FYB1: variants seen among roughly 807,000 people sequenced by gnomAD.
FYB1 encodes the protein FYN-binding protein 1.
A neutral mutation model predicts 94.1 loss-of-function variants in FYB1; 41 were observed. That is an observed-to-expected ratio of 0.44 (90% CI 0.34 to 0.57). FYB1 has a LOEUF of 0.57. FYB1 is among the 20% of genes least tolerant of loss of function. The pLI is 0.02. For missense variants in FYB1, 1,050 were observed against 976.8 expected (o/e 1.07, Z -1.00); for synonymous variants, 367 against 353.2 (o/e 1.04, Z -0.44).
rs1355894835 is a variant in FYB1 at position 39,188,674 on chromosome 5, G to A, written c.1135+13152C>T. 2.6e-5 allele frequency among the ~76,000 whole-genome samples: 4 copies of A among 151,362 alleles called. No individual in the cohort carries two copies. In the East Asian group the frequency reaches 7.8e-4, roughly 29 times the overall value. ...ACTTTCCCAAGTAGCTGGGGTTACA[G>A]GCGCCTGCCACCACGCCCGGCTAAT... On this transcript the variant is annotated intron_variant, in intron 2 of 18. Coordinates refer to ENST00000512982, the MANE Select transcript of FYB1 (RefSeq NM_001465.6).
At chr5:39,262,134 A>C (rs950675721) in intron 1 of FYB1, among the ~76,000 whole-genome samples, 2 of 152,174 alleles carry the variant, frequency 1.3e-5, no homozygotes, top group Non-Finnish European at 1.5e-5. Flanking sequence ...AATGATAAAG[A>C]CTTATTTTAA....
chr5:39,145,643 A>T (rs1040012771), intron 3 of FYB1, among the ~76,000 whole-genome samples: 3 of 152,230 alleles, frequency 2.0e-5, no homozygotes, highest in Non-Finnish European at 2.9e-5. Context: ...TACCTAAGAC[A>T]TTAAAATACA....
intron 3 of FYB1, 120 bp downstream of exon 3, chr5:39,153,328 A>C (rs1743421537): frequency 2.4e-6 from 3 of 1,243,480 alleles, no homozygotes; most frequent in Non-Finnish European, 3.5e-6. Flanking sequence ...TCTCCCTGCC[A>C]GCTGCCCACT....
chr5:39,201,935 C>T lies in FYB1; in HGVS notation c.1026G>A (p.Pro342=), dbSNP rs776689421. ...KEKGDKNSAT[P]KQKPLPPLFT... ...ACAAGGGAGGCAATGGCTTCTGTTT[C>T]GGGGTGGCTGAATTCTTGTCTCCCT... Residue 342 remains proline (P), a synonymous_variant, in exon 2 of 19, where the codon CCG becomes CCA. Coordinates refer to ENST00000512982, the MANE Select transcript of FYB1 (RefSeq NM_001465.6). The T allele has an allele frequency of 1.4e-5, 23 of 1,613,858 alleles. No individual in the cohort carries two copies. The highest frequency in any genetic ancestry group is 3.3e-4 in the Middle Eastern group (2 of 6,084).
chr5:39,263,956 C>T (rs1752325707), intron 1 of FYB1, among the ~76,000 whole-genome samples: 1 of 152,130 alleles, frequency 6.6e-6, no homozygotes, highest in African/African-American at 2.4e-5. Flanking sequence ...AATTCCAGGT[C>T]TGAATGTTTG....
intron 1 of FYB1, among the ~76,000 whole-genome samples, chr5:39,230,780 AACTGGACAGGGTACAGC>A (rs1481969507): frequency 6.6e-6 from 1 of 151,666 alleles, no homozygotes; most frequent in African/African-American, 2.4e-5. Flanking sequence ...ACTGAAACCC[AACTGGACAGGGTACAGC>A]TGAGAATTGC....
rs77737396 is a variant in FYB1, at chr5:39,232,191, C to T, written c.-27-29204G>A. Among the ~76,000 whole-genome samples the T allele has an allele frequency of 6.5e-3, 989 of 152,210 alleles. 15 individuals carry two copies. Among genetic ancestry groups the T allele is most frequent in the African/African-American group, 0.023 (938 of 41,514 alleles). ...CACTACACATGCACACACACGCATACCAATCTCCTTCAGGAGTCAGCTTTG... is the reference window on the plus strand; with the variant it reads ...CACTACACATGCACACACACGCATATCAATCTCCTTCAGGAGTCAGCTTTG... On this transcript the variant is annotated intron_variant, in intron 1 of 1. Transcript: ENST00000510188.
chr5:39,169,783 A>T (rs2150395490), intron 2 of FYB1: 1 of 495,480 alleles, frequency 2.0e-6, no homozygotes, highest in Non-Finnish European at 3.9e-6. Flanking sequence ...GCAGCATTTG[A>T]TGATGCATTT....
chr5:39,174,626 A>G (rs867424357), intron 2 of FYB1, among the ~76,000 whole-genome samples: 5 of 152,356 alleles, frequency 3.3e-5, no homozygotes, highest in Middle Eastern at 6.8e-3. Flanking sequence ...TTACTCAAGG[A>G]CACAAAGCTT....
At chr5:39,244,021 T>A (rs1409452156) in intron 1 of FYB1, among the ~76,000 whole-genome samples, 1 of 152,216 alleles carries the variant, frequency 6.6e-6, no homozygotes, top group African/African-American at 2.4e-5. Flanking sequence ...AAGTTGCTTA[T>A]CAGCTTAAGG....
Position 39,239,403 on chromosome 5 carries a change from C to T in FYB1, c.-28+35000G>A, listed in dbSNP as rs189594646. Among the ~76,000 whole-genome samples, 531 of 152,166 alleles carry T rather than the reference C, an allele frequency of 3.5e-3. 2 individuals are homozygous for T. Among genetic ancestry groups the T allele is most frequent in the African/African-American group, 0.012 (508 of 41,522 alleles). ...GTTTGCAGATGATATGATTGTACAA[C>T]TAGAAAACCCTATAGTCTCTGACCA... On this transcript the variant is annotated intron_variant, in intron 1 of 1. Transcript: ENST00000510188.
At chr5:39,206,280 T>C (rs1225335240) in intron 1 of FYB1, among the ~76,000 whole-genome samples, 1 of 152,230 alleles carries the variant, frequency 6.6e-6, no homozygotes, top group East Asian at 1.9e-4. Flanking sequence ...ATGTAATCAC[T>C]AATATTGGCT....
At chr5:39,184,056 A>G (rs907135919) in intron 2 of FYB1, among the ~76,000 whole-genome samples, 1 of 152,234 alleles carries the variant, frequency 6.6e-6, no homozygotes, top group Non-Finnish European at 1.5e-5. Flanking sequence ...CCAGTATTAT[A>G]TTACTATTTA....
At chr5:39,243,666 A>T (rs1343521352) in intron 1 of FYB1, among the ~76,000 whole-genome samples, 6 of 152,122 alleles carry the variant, frequency 3.9e-5, no homozygotes, top group Admixed American at 3.9e-4. Context: ...AGTTTTTTCC[A>T]ATTCTGTGAA....
intron 2 of FYB1, among the ~76,000 whole-genome samples, chr5:39,171,430 T>C (rs891190): frequency 0.98 from 149,027 of 152,266 alleles, 72,992 homozygotes; most frequent in Non-Finnish European, 1. Flanking sequence ...TTCTTAGGCC[T>C]CATGCCTGAC....
chr5:39,242,933 A>G (rs1346215217), intron 1 of FYB1, among the ~76,000 whole-genome samples: 5 of 152,136 alleles, frequency 3.3e-5, no homozygotes, highest in Non-Finnish European at 5.9e-5. Context: ...CTGCATAAAT[A>G]TCTTCTTTTG....
chr5:39,154,020 A>G (rs1162535741), intron 2 of FYB1, among the ~76,000 whole-genome samples: 2 of 152,144 alleles, frequency 1.3e-5, no homozygotes, highest in Admixed American at 6.6e-5. Flanking sequence ...TCCTGGGCGC[A>G]AGCAATCCTC....
At chr5:39,267,517 T>C (rs895540498) in intron 1 of FYB1, among the ~76,000 whole-genome samples, 10 of 152,226 alleles carry the variant, frequency 6.6e-5, no homozygotes, top group African/African-American at 2.4e-4. Context: ...CTGTTGACTG[T>C]ATCTGATCTC....
intron 12 of FYB1, among the ~76,000 whole-genome samples, chr5:39,124,837 T>G (rs1301375272): frequency 6.6e-6 from 1 of 151,504 alleles, no homozygotes; most frequent in African/African-American, 2.4e-5. Flanking sequence ...TGCTCTGAAA[T>G]CAGAATTAAG....
Sources: gnomAD v4.1 joint callset for allele counts (sites outside exome capture counted in the v4.1 genomes callset) on GRCh38, gnomAD v4.1.1 for gene constraint, MANE v1.5 for transcripts, NCBI Gene and HGNC (gene_info 2026-07-23, HGNC 2026-07-21) for gene names.